GREM2: variants seen among roughly 807,000 people sequenced by gnomAD.
GREM2 encodes the protein gremlin 2, DAN family BMP antagonist.
Under a neutral mutation model 14.2 loss-of-function variants are expected in GREM2, and 11 were observed. The ratio of observed to expected loss-of-function variants is 0.78; its 90% CI spans 0.49 to 1.28. The LOEUF is 1.28. GREM2 is among the 50% of genes most tolerant of loss of function. The probability of loss-of-function intolerance (pLI) is 0.00; values close to 1 mark genes in which losing one functional copy is unlikely to be tolerated. For synonymous variants in GREM2, 98 were observed against 97.6 expected (o/e 1.00, Z -0.02); for missense variants, 210 against 218.5 (o/e 0.96, Z 0.24).
chr1:240,580,177 G>T (rs942905491), intron 1 of GREM2, among the ~76,000 whole-genome samples: 4 of 152,102 alleles, frequency 2.6e-5, no homozygotes, highest in Admixed American at 2.6e-4. Flanking sequence ...GATTGCTTGA[G>T]CCCAGGAGTT....
chr1:240,581,896 A>T (rs1202577350), intron 1 of GREM2, among the ~76,000 whole-genome samples: 1 of 152,248 alleles, frequency 6.6e-6, no homozygotes, highest in African/African-American at 2.4e-5. Flanking sequence ...TACAAGTAAC[A>T]GTTTAGTAAA....
At chr1:240,587,820 A>G (rs190165363) in intron 1 of GREM2, among the ~76,000 whole-genome samples, 20 of 152,256 alleles carry the variant, frequency 1.3e-4, no homozygotes, top group Non-Finnish European at 2.6e-4. Context: ...CACCCTACCT[A>G]TGCTAGATTC....
chr1:240,496,946 G>A (rs1312100317), intron 1 of GREM2, among the ~76,000 whole-genome samples: 2 of 152,088 alleles, frequency 1.3e-5, no homozygotes, highest in South Asian at 2.1e-4. Flanking sequence ...GCTTGAACCC[G>A]GGAGGCAGAG....
intron 1 of GREM2, among the ~76,000 whole-genome samples, chr1:240,500,383 C>T (rs1454863856): frequency 1.3e-5 from 2 of 151,940 alleles, no homozygotes; most frequent in Non-Finnish European, 2.9e-5. Flanking sequence ...ACTGCAAGCT[C>T]CGCCTCCCAG....
intron 1 of GREM2, among the ~76,000 whole-genome samples, chr1:240,532,672 GATAGATAGATAGATAT>G (rs879831099): frequency 9.7e-4 from 121 of 125,122 alleles, no homozygotes; most frequent in Non-Finnish European, 1.4e-3. Context: ...TAGATAGATA[GATAGATAGATAGATAT>G]ATGGCAAGAA....
At chr1:240,555,929 C>A (rs1678946641) in intron 1 of GREM2, among the ~76,000 whole-genome samples, 1 of 152,164 alleles carries the variant, frequency 6.6e-6, no homozygotes, top group Admixed American at 6.6e-5. Context: ...GCCTTTGGCT[C>A]TTATTTTCCC....
At chr1:240,610,533 G>T (rs1339121497) in intron 1 of GREM2, among the ~76,000 whole-genome samples, 1 of 152,110 alleles carries the variant, frequency 6.6e-6, no homozygotes, top group Non-Finnish European at 1.5e-5. Flanking sequence ...AAAAAAGGTC[G>T]ATATAAATTC....
chr1:240,545,646 A>T (rs1678701605), intron 1 of GREM2, among the ~76,000 whole-genome samples: 1 of 152,146 alleles, frequency 6.6e-6, no homozygotes, highest in South Asian at 2.1e-4. Context: ...ATCTGATGCT[A>T]TCTCCAGGGA....
chr1:240,519,334 C>A (rs941615841), intron 1 of GREM2, among the ~76,000 whole-genome samples: 1 of 149,840 alleles, frequency 6.7e-6, no homozygotes, highest in African/African-American at 2.5e-5. Context: ...TTTCTCCTAA[C>A]TTCTCTAGTT....
chr1:240,510,238 C>T lies in GREM2; in HGVS notation c.-1-16762G>A, dbSNP rs375966647. Among the ~76,000 whole-genome samples, 236 of 151,718 alleles carry T rather than the reference C, an allele frequency of 1.6e-3. 1 individual carries two copies. The highest frequency in any genetic ancestry group is 0.011 in the East Asian group (56 of 5,106). On this transcript the variant is annotated intron_variant, in intron 1 of 1. Transcript: ENST00000318160. The stretch of plus-strand genomic sequence containing the variant: ...CAAAGAAATGAGCCGGGCGTGGTGG[C>T]GGGCGCCTGTAGTCCCAGCTAGTCG...
rs1289108820 is a variant in GREM2 at position 240,492,919 on chromosome 1, C to T, written c.*50G>A. The T allele has an allele frequency of 1.9e-5, 26 of 1,357,012 alleles. No individual in the cohort carries two copies. Among genetic ancestry groups the T allele is most frequent in the Non-Finnish European group, 2.5e-5 (26 of 1,053,470 alleles). 84.1% of individuals were successfully genotyped at this position (1,357,012 alleles called of 1,614,324 possible). A position where few individuals can be genotyped will look rare whatever the true frequency, so the allele number is the denominator to read the frequency against. On this transcript the variant is annotated 3_prime_UTR_variant, in exon 2 of 2. Coordinates refer to ENST00000318160, the MANE Select transcript of GREM2 (RefSeq NM_022469.4). ...GGCAGGGACAGAGGCGGCGGCGGCGCCACCCAGCGGCCGGGCGCGCGCGGG... is the reference window on the plus strand; with the variant it reads ...GGCAGGGACAGAGGCGGCGGCGGCGTCACCCAGCGGCCGGGCGCGCGCGGG...
At position 240,540,524 on chromosome 1, in the gene GREM2, A is replaced by G. The variant is rs1678562706; in HGVS notation, c.-1-47048T>C. 6.6e-6 allele frequency among the ~76,000 whole-genome samples: 1 copy of G among 152,164 alleles called. No homozygotes were observed. Among genetic ancestry groups the G allele is most frequent in the South Asian group, 2.1e-4 (1 of 4,830 alleles). On this transcript the variant is annotated intron_variant, in intron 1 of 1. Coordinates refer to ENST00000318160, the MANE Select transcript of GREM2 (RefSeq NM_022469.4). The surrounding 1 kb of genome is among the most constrained non-coding windows in gnomAD (Gnocchi z 4.2). ...GACTGGAATCACTACCATTAACAGCAAAGAACACAAACAGCATGTAAGTCA... is the reference window on the plus strand; with the variant it reads ...GACTGGAATCACTACCATTAACAGCGAAGAACACAAACAGCATGTAAGTCA...
chr1:240,586,652 G>A (rs1056108073), intron 1 of GREM2, among the ~76,000 whole-genome samples: 3 of 152,196 alleles, frequency 2.0e-5, no homozygotes, highest in African/African-American at 7.2e-5. Flanking sequence ...CAAACTGCAT[G>A]TACCCATGAT....
At position 240,496,764 on chromosome 1, in the gene GREM2, C is replaced by T. The variant is rs183542687; in HGVS notation, c.-1-3288G>A. On this transcript the variant is annotated intron_variant, in intron 1 of 1. Coordinates refer to ENST00000318160, the MANE Select transcript of GREM2 (RefSeq NM_022469.4). Reference sequence around the variant, plus strand: ...GCGGCTCATGCCTGTAATCCCAGCACTTTGGGAGGCCAAGGTGGGCGGATC... The same window carrying T: ...GCGGCTCATGCCTGTAATCCCAGCATTTTGGGAGGCCAAGGTGGGCGGATC... Among the ~76,000 whole-genome samples the T allele has an allele frequency of 1.9e-3, 296 of 152,226 alleles. 1 individual carries two copies. Among genetic ancestry groups the T allele is most frequent in the African/African-American group, 6.6e-3 (276 of 41,532 alleles).
chr1:240,507,861 A>G (rs1677716852), intron 1 of GREM2, among the ~76,000 whole-genome samples: 1 of 152,180 alleles, frequency 6.6e-6, no homozygotes, highest in Non-Finnish European at 1.5e-5. Context: ...CCTATTGACT[A>G]TGCTTTAAAA....
chr1:240,561,059 G>A (rs1222757645), intron 1 of GREM2, among the ~76,000 whole-genome samples: 1 of 152,058 alleles, frequency 6.6e-6, no homozygotes, highest in Non-Finnish European at 1.5e-5. Flanking sequence ...AGCATCAATT[G>A]CTTGCTAATT....
intron 1 of GREM2, among the ~76,000 whole-genome samples, chr1:240,552,158 G>A (rs2103339294): frequency 6.6e-6 from 1 of 152,262 alleles, no homozygotes; most frequent in South Asian, 2.1e-4. Context: ...ACCAAATTCA[G>A]TCCTCTGCCT....
intron 1 of GREM2, among the ~76,000 whole-genome samples, chr1:240,521,507 C>G (rs534084000): frequency 6.6e-6 from 1 of 151,738 alleles, no homozygotes; most frequent in South Asian, 2.1e-4. Context: ...GGAGGCGGAG[C>G]TTACAGTGAG....
chr1:240,524,088 C>A (rs1487498897), intron 1 of GREM2, among the ~76,000 whole-genome samples: 3 of 152,194 alleles, frequency 2.0e-5, no homozygotes, highest in African/African-American at 7.2e-5. Context: ...ATAATCATAG[C>A]TCACTGCAAC....
Sources: gnomAD v4.1 joint callset for allele counts (sites outside exome capture counted in the v4.1 genomes callset) on GRCh38, gnomAD v4.1.1 for gene constraint, Gnocchi (gnomAD v3.1) non-coding constraint, MANE v1.5 for transcripts, NCBI Gene and HGNC (gene_info 2026-07-23, HGNC 2026-07-21) for gene names.